Variants in HMGN5 observed in about 807,000 individuals in gnomAD.
The protein encoded by HMGN5 is high mobility group nucleosome binding domain 5.
HMGN5 carries 4 observed loss-of-function variants against 9.5 expected under a neutral mutation model. That is an observed-to-expected ratio of 0.42 (90% CI 0.21 to 0.96). HMGN5 has a LOEUF of 0.96. Among genes scored for constraint, HMGN5 ranks in the 40% least tolerant of loss-of-function variants. The probability of loss-of-function intolerance (pLI) is 0.30; values close to 1 mark genes in which losing one functional copy is unlikely to be tolerated. For synonymous variants in HMGN5, 55 were observed against 57.1 expected (o/e 0.96, Z 0.16); for missense variants, 192 against 187.5 (o/e 1.02, Z -0.14).
intron 1 of HMGN5, chrX:81,195,192 C>T (rs2075504562): frequency 8.9e-6 from 1 of 112,134 alleles, no homozygotes; most frequent in Non-Finnish European, 1.9e-5. Flanking sequence ...AGTTCCAAAA[C>T]CTCAAAAATA....
chrX:81,164,207 T>C (rs2075405124), intron 1 of HMGN5, among the ~76,000 whole-genome samples: 1 of 112,109 alleles, frequency 8.9e-6, no homozygotes, highest in African/African-American at 3.2e-5. Context: ...AGTTTTATCA[T>C]GAAATTTTAG....
At chrX:81,187,601 G>T (rs2075481202) in intron 1 of HMGN5, among the ~76,000 whole-genome samples, 1 of 111,439 alleles carries the variant, frequency 9.0e-6, no homozygotes, top group Non-Finnish European at 1.9e-5. Flanking sequence ...CTTTGTAGGG[G>T]AAGTGTGTTT....
At chrX:81,196,899 T>A (rs1031663933) in intron 1 of HMGN5, among the ~76,000 whole-genome samples, 1 of 111,349 alleles carries the variant, frequency 9.0e-6, no homozygotes, top group African/African-American at 3.3e-5. Context: ...TGTCTCCTGC[T>A]GCCATGTGAG....
rs1353539236 is a variant in HMGN5 at position 81,153,640 on chromosome X, T to A, written c.-123-31968A>T. Among the ~76,000 whole-genome samples the A allele has an allele frequency of 3.3e-3, 171 of 51,393 alleles. 2 individuals are homozygous for A. The highest frequency in any genetic ancestry group is 0.012 in the African/African-American group (157 of 12,807). The allele number at this position is 51,393 out of a possible 115,157, so 44.6% of individuals were successfully genotyped here. On this transcript the variant is annotated intron_variant, in intron 1 of 6. Coordinates refer to ENST00000358130, the MANE Select transcript of HMGN5 (RefSeq NM_030763.3). ...ATATATATATATATATATATATATATGTATCTCCTTGTTTATATTTGAAAA... is the reference window on the plus strand; with the variant it reads ...ATATATATATATATATATATATATAAGTATCTCCTTGTTTATATTTGAAAA...
At chrX:81,121,710 A>C (rs1045652290) in intron 1 of HMGN5, 38 bp from the exon 2 acceptor site, 1 of 389,285 alleles carries the variant, frequency 2.6e-6, no homozygotes, top group African/African-American at 2.7e-5. Flanking sequence ...TGGCAACATT[A>C]AACACGCCAA....
chrX:81,155,075 G>GTATATATA (rs761895749), intron 1 of HMGN5, among the ~76,000 whole-genome samples: 41 of 68,945 alleles, frequency 5.9e-4, no homozygotes, highest in East Asian at 1.3e-3. Flanking sequence ...GTATATATCA[G>GTATATATA]TATATATATA....
chrX:81,119,553 A>G (rs770707059), intron 3 of HMGN5, among the ~76,000 whole-genome samples: 1 of 111,740 alleles, frequency 8.9e-6, no homozygotes, highest in East Asian at 2.8e-4. Flanking sequence ...ATATTTCCGT[A>G]CCATCATTTC....
intron 1 of HMGN5, among the ~76,000 whole-genome samples, chrX:81,153,888 C>CA (rs1251568695): frequency 1.2e-4 from 12 of 103,467 alleles, no homozygotes; most frequent in Non-Finnish European, 1.4e-4. Context: ...AAGAGGATAC[C>CA]AAAAAAAAGG....
intron 1 of HMGN5, among the ~76,000 whole-genome samples, chrX:81,161,920 G>A (rs904851715): frequency 1.3e-4 from 14 of 111,540 alleles, no homozygotes; most frequent in African/African-American, 4.6e-4. Flanking sequence ...GCAGTACTTG[G>A]TAAGTTTGAA....
chrX:81,201,497 G>T (rs1034638645), intron 1 of HMGN5, among the ~76,000 whole-genome samples: 1 of 111,394 alleles, frequency 9.0e-6, no homozygotes, highest in African/African-American at 3.3e-5. Context: ...TTGCCAATCA[G>T]GCCTCCTGCA....
chrX:81,201,900 A>T lies in HMGN5; in HGVS notation c.-287T>A. The T allele has an allele frequency of 3.2e-6, 1 of 313,900 alleles. No individual in the cohort carries two copies. The highest frequency in any genetic ancestry group is 5.5e-6 in the Non-Finnish European group (1 of 181,936). The allele number at this position is 313,900 out of a possible 1,213,427, so 25.9% of individuals were successfully genotyped here. Reference sequence around the variant, plus strand: ...CTCCTCGCCCTCTTCTCAGGGAAGGAATCGTCAAAAATCAATGTTTCAACA... The same window carrying T: ...CTCCTCGCCCTCTTCTCAGGGAAGGTATCGTCAAAAATCAATGTTTCAACA... On this transcript the variant is annotated 5_prime_UTR_variant, in exon 1 of 7. Transcript: ENST00000358130.
chrX:81,132,196 C>A (rs2075299131), intron 1 of HMGN5, among the ~76,000 whole-genome samples: 1 of 111,026 alleles, frequency 9.0e-6, no homozygotes, highest in Admixed American at 9.6e-5. Context: ...CAAACCACTG[C>A]TCAAAGAAAT....
chrX:81,147,631 G>C (rs1371320605), intron 1 of HMGN5, among the ~76,000 whole-genome samples: 2 of 111,314 alleles, frequency 1.8e-5, no homozygotes, highest in Non-Finnish European at 3.8e-5. Context: ...GTTCTGGCTA[G>C]GGCAATCAGG....
chrX:81,146,383 G>A lies in HMGN5; in HGVS notation c.-123-24711C>T, dbSNP rs1294216488. Among the ~76,000 whole-genome samples, 7 of 111,644 alleles carry A rather than the reference G, an allele frequency of 6.3e-5. No homozygotes were observed. In the Admixed American group the frequency reaches 6.7e-4, roughly 11 times the overall value. ...CAACTACATGGAAACGGAACAACCAGCTCCTGAATGACTACTGGGTAAATA... is the reference window on the plus strand; with the variant it reads ...CAACTACATGGAAACGGAACAACCAACTCCTGAATGACTACTGGGTAAATA... On this transcript the variant is annotated intron_variant, in intron 1 of 6. Transcript: ENST00000358130.
At chrX:81,196,478 C>T (rs1208027227) in intron 1 of HMGN5, among the ~76,000 whole-genome samples, 1 of 110,441 alleles carries the variant, frequency 9.1e-6, no homozygotes, top group African/African-American at 3.3e-5. Context: ...GGGGTGGTTT[C>T]CCCCATGCTG....
chrX:81,121,834 G>C, intron 1 of HMGN5, 162 bp from the exon 2 acceptor site: 1 of 284,761 alleles, frequency 3.5e-6, no homozygotes, highest in Non-Finnish European at 6.2e-6. Flanking sequence ...CCGCGAACTT[G>C]CCCGAAGCCC....
chrX:81,158,856 C>T (rs1407038439), intron 1 of HMGN5, among the ~76,000 whole-genome samples: 4 of 111,275 alleles, frequency 3.6e-5, no homozygotes, highest in Non-Finnish European at 7.6e-5. Flanking sequence ...GTGTAGCTAG[C>T]ATTTGGTCCA....
chrX:81,157,211 G>A (rs2075385324), intron 1 of HMGN5, among the ~76,000 whole-genome samples: 1 of 111,893 alleles, frequency 8.9e-6, no homozygotes, highest in South Asian at 3.7e-4. Flanking sequence ...AAGCAGGAGG[G>A]CTTAGCTGAT....
intron 1 of HMGN5, among the ~76,000 whole-genome samples, chrX:81,150,007 G>T (rs1034688266): frequency 1.8e-5 from 2 of 111,435 alleles, no homozygotes; most frequent in Non-Finnish European, 3.8e-5. Flanking sequence ...CTTCCAGACA[G>T]AAAATCAAAA....
Sources: allele counts gnomAD v4.1 joint callset (sites outside exome capture counted in the v4.1 genomes callset), GRCh38; gene constraint gnomAD v4.1.1; transcripts MANE v1.5; gene names NCBI Gene and HGNC (gene_info 2026-07-23, HGNC 2026-07-21).